The following MAD1L1 variants were observed in gnomAD, a reference collection of about 807,000 sequenced individuals.
MAD1L1 encodes mitotic arrest deficient 1 like 1, also known as mitotic spindle assembly checkpoint protein MAD1.
A neutral mutation model predicts 96.9 loss-of-function variants in MAD1L1; 95 were observed. That is an observed-to-expected ratio of 0.98 (90% CI 0.83 to 1.16). MAD1L1 has a LOEUF of 1.16. Among genes scored for constraint, MAD1L1 ranks in the 50% most tolerant of loss-of-function variants. The probability of loss-of-function intolerance (pLI) is 0.00; values close to 1 mark genes in which losing one functional copy is unlikely to be tolerated. For synonymous variants in MAD1L1, 473 were observed against 396.6 expected, an observed-to-expected ratio of 1.19 and a Z score of -2.29; for missense variants, 1,007 against 954.4, an observed-to-expected ratio of 1.06 and a Z score of -0.73.
intron 11 of MAD1L1, among the ~76,000 whole-genome samples, chr7:2,127,501 G>C (rs892789750): frequency 6.6e-6 from 1 of 152,214 alleles, no homozygotes; most frequent in African/African-American, 2.4e-5. Flanking sequence ...ACACGGGGGA[G>C]CGGGCCCGAC....
At chr7:1,889,643 C>T (rs145183751) in intron 18 of MAD1L1, among the ~76,000 whole-genome samples, 3 of 152,384 alleles carry the variant, frequency 2.0e-5, no homozygotes, top group South Asian at 2.1e-4. Context: ...ATGCGGCCTC[C>T]GTAGGCTCAC....
chr7:1,936,717 C>T lies in MAD1L1; in HGVS notation c.1777G>A (p.Ala593Thr), dbSNP rs766642766. ...ACCTCCTTGGACGATGGCAGACTCG[C>T]GGCGGCAGCCTCAAGGTCGGCTGGG... is the stretch of plus-strand genomic sequence containing the variant. ...TVPADLEAAA[A>T]SLPSSKEVAE... Residue 593 changes from alanine (A) to threonine (T), a missense_variant, in exon 17 of 19, where the codon GCG becomes ACG. Coordinates refer to ENST00000265854, the MANE Select transcript of MAD1L1 (RefSeq NM_001013836.2). 38 of 1,559,050 alleles carry T rather than the reference C, an allele frequency of 2.4e-5. No individual in the cohort carries two copies. The East Asian group carries it at 3.6e-4, about 15-fold the overall frequency.
intron 18 of MAD1L1, among the ~76,000 whole-genome samples, chr7:1,891,557 C>T (rs1786540862): frequency 6.6e-6 from 1 of 151,902 alleles, no homozygotes; most frequent in African/African-American, 2.4e-5. Flanking sequence ...AGTTTATAAA[C>T]TCAAAAAGTT....
intron 14 of MAD1L1, among the ~76,000 whole-genome samples, chr7:1,994,474 C>CG (rs1335816183): frequency 6.6e-6 from 1 of 152,172 alleles, no homozygotes; most frequent in Non-Finnish European, 1.5e-5. Context: ...GCAGGCCCAT[C>CG]GGGCACTGAG....
At position 1,996,290 on chromosome 7, in the gene MAD1L1, G is replaced by GCTC. The variant is rs1562592859; in HGVS notation, c.1416+5774_1416+5775insGAG. On this transcript the variant is annotated intron_variant, in intron 14 of 18. Coordinates refer to ENST00000265854, the MANE Select transcript of MAD1L1 (RefSeq NM_001013836.2). Reference sequence around the variant, plus strand: ...CAGGGTCCCCCCGGGTCTACACACGGCTGCTGGGCGGGCAGGGTCCCCCCG... The same window carrying GCTC: ...CAGGGTCCCCCCGGGTCTACACACGGCTCCTGCTGGGCGGGCAGGGTCCCCCCG... Among the ~76,000 whole-genome samples, 395 of 123,410 alleles carry GCTC rather than the reference G, an allele frequency of 3.2e-3. 47 individuals are homozygous for GCTC. The highest frequency in any genetic ancestry group is 7.2e-3 in the East Asian group (30 of 4,182). The allele number at this position is 123,410 out of a possible 152,430, so 81.0% of individuals were successfully genotyped here.
At chr7:1,980,239 C>T (rs955147780) in intron 15 of MAD1L1, among the ~76,000 whole-genome samples, 9 of 152,028 alleles carry the variant, frequency 5.9e-5, no homozygotes, top group African/African-American at 1.9e-4. Flanking sequence ...CTGGGGGACA[C>T]GCATGAGCGT....
intron 12 of MAD1L1, among the ~76,000 whole-genome samples, chr7:2,061,733 A>G (rs1784669413): frequency 6.6e-6 from 1 of 152,258 alleles, no homozygotes. Flanking sequence ...AGCAAGAGTC[A>G]ACACCCCCAT....
intron 11 of MAD1L1, among the ~76,000 whole-genome samples, chr7:2,111,385 C>T (rs1019976105): frequency 2.0e-5 from 3 of 152,214 alleles, no homozygotes; most frequent in Admixed American, 2.0e-4. Flanking sequence ...GGCTGCTCAG[C>T]CCTTGCTCTC....
At chr7:1,941,021 T>TCACCCTCCTCTTCCTCCCCCCGCAGGCC (rs1778971264) in intron 16 of MAD1L1, among the ~76,000 whole-genome samples, 6 of 29,624 alleles carry the variant, frequency 2.0e-4, no homozygotes, top group African/African-American at 5.1e-4. Flanking sequence ...CTCCCCAGGC[T>TCACCCTCCTCTTCCTCCCCCCGCAGGCC]TCAACACCGC....
chr7:1,835,284 G>C (rs1265162231), intron 18 of MAD1L1, among the ~76,000 whole-genome samples: 2 of 152,204 alleles, frequency 1.3e-5, no homozygotes, highest in African/African-American at 4.8e-5. Flanking sequence ...CTCACTGCTT[G>C]TATTCAGCAT....
intron 18 of MAD1L1, among the ~76,000 whole-genome samples, chr7:1,879,216 G>C (rs1034563986): frequency 5.3e-5 from 8 of 152,172 alleles, no homozygotes; most frequent in African/African-American, 1.7e-4. Context: ...GCTCATGCCT[G>C]TATTACAGGC....
At chr7:2,018,203 A>G (rs1352767621) in intron 12 of MAD1L1, among the ~76,000 whole-genome samples, 1 of 152,156 alleles carries the variant, frequency 6.6e-6, no homozygotes, top group African/African-American at 2.4e-5. Flanking sequence ...CCTGGACCGT[A>G]ACTAGATGTG....
chr7:2,210,435 C>T lies in MAD1L1; in HGVS notation c.986+2777G>A, dbSNP rs1013063349. On this transcript the variant is annotated intron_variant, in intron 10 of 18. Transcript: ENST00000265854. ...GGAGCCGTATTCGGGACCGCCAGCC[C>T]GCATTCCCGTGGACTCTCTAGGAGC... Among the ~76,000 whole-genome samples the T allele has an allele frequency of 7.2e-4, 95 of 132,794 alleles. 2 individuals carry two copies. Among genetic ancestry groups the T allele is most frequent in the African/African-American group, 2.1e-3 (69 of 33,106 alleles). The allele number at this position is 132,794 out of a possible 152,430, so 87.1% of individuals were successfully genotyped here. A position where few individuals can be genotyped will look rare whatever the true frequency, so the allele number is the denominator to read the frequency against.
chr7:1,881,378 G>A (rs1785671767), intron 18 of MAD1L1, among the ~76,000 whole-genome samples: 1 of 152,156 alleles, frequency 6.6e-6, no homozygotes, highest in African/African-American at 2.4e-5. Context: ...CAGCATAAAT[G>A]GGTTAATAAT....
At chr7:2,020,593 G>A (rs769766965) in intron 12 of MAD1L1, among the ~76,000 whole-genome samples, 2 of 152,142 alleles carry the variant, frequency 1.3e-5, no homozygotes, top group Middle Eastern at 3.2e-3. Context: ...TCACCTGCCC[G>A]GGCTGCCCTG....
chr7:1,893,016 C>T (rs926331454), intron 18 of MAD1L1, among the ~76,000 whole-genome samples: 1 of 152,216 alleles, frequency 6.6e-6, no homozygotes, highest in Non-Finnish European at 1.5e-5. Context: ...GGGAGGAGTG[C>T]AGCCGGGATG....
intron 18 of MAD1L1, among the ~76,000 whole-genome samples, chr7:1,897,139 G>A (rs573639437): frequency 2.2e-4 from 22 of 100,792 alleles, no homozygotes; most frequent in African/African-American, 9.1e-4. Context: ...GGCGGGTTGT[G>A]CAGAAGGAGG....
rs147937999 is a variant in MAD1L1, at chr7:2,196,293, A to G, written c.986+16919T>C. Among the ~76,000 whole-genome samples, 1,268 of 152,292 alleles carry G rather than the reference A, an allele frequency of 8.3e-3. 13 individuals are homozygous for G. Among genetic ancestry groups the G allele is most frequent in the Non-Finnish European group, 0.014 (940 of 68,032 alleles). ...GTGCCATCCTGCCAGCAAAGTGAAG[A>G]CCCTCTTGAGAACAGGCTCTGTCTT... On this transcript the variant is annotated intron_variant, in intron 10 of 18. Coordinates refer to ENST00000265854, the MANE Select transcript of MAD1L1 (RefSeq NM_001013836.2).
rs569766782 is a variant in MAD1L1 at position 2,129,320 on chromosome 7, A to C, written c.1073+19832T>G. On this transcript the variant is annotated intron_variant, in intron 11 of 18. Transcript: ENST00000265854. ...AAAGCCCAGGTTTTTGCCTGTGGAC[A>C]TCTGAATGTGCTGTGGCAGGTATAG... Among the ~76,000 whole-genome samples, 37 of 152,368 alleles carry C rather than the reference A, an allele frequency of 2.4e-4. No homozygotes were observed. In the South Asian group the frequency reaches 7.7e-3, roughly 32 times the overall value.
Sources: gnomAD v4.1 joint callset for allele counts (sites outside exome capture counted in the v4.1 genomes callset) on GRCh38, gnomAD v4.1.1 for gene constraint, MANE v1.5 for transcripts, NCBI Gene and HGNC (gene_info 2026-07-23, HGNC 2026-07-21) for gene names.